The following SDK1 variants were observed in gnomAD, a reference collection of about 807,000 sequenced individuals.
The protein encoded by SDK1 is protein sidekick-1.
Under a neutral mutation model 245.5 loss-of-function variants are expected in SDK1, and 157 were observed. That is an observed-to-expected ratio of 0.64 (90% CI 0.56 to 0.73). The LOEUF (loss-of-function observed/expected upper bound fraction) is 0.73. SDK1 is among the 30% of genes least tolerant of loss of function. The probability of loss-of-function intolerance (pLI) is 0.00; values close to 1 mark genes in which losing one functional copy is unlikely to be tolerated. For synonymous variants in SDK1, 1,647 were observed against 1,278.5 expected (o/e 1.29, Z -6.15); for missense variants, 3,583 against 3,002.3 (o/e 1.19, Z -4.52).
At chr7:3,958,561 A>G (rs1781437575) in intron 7 of SDK1, among the ~76,000 whole-genome samples, 1 of 152,254 alleles carries the variant, frequency 6.6e-6, no homozygotes, top group Non-Finnish European at 1.5e-5. Context: ...GGCACTTGAC[A>G]AGCTTCACGA....
At chr7:4,163,752 C>T (rs1467542243) in intron 32 of SDK1, among the ~76,000 whole-genome samples, 3 of 152,110 alleles carry the variant, frequency 2.0e-5, no homozygotes, top group Non-Finnish European at 2.9e-5. Context: ...GAGAGGAACC[C>T]GGTGAGCAGA....
chr7:3,783,590 G>T (rs566417168), intron 4 of SDK1, among the ~76,000 whole-genome samples: 1 of 152,106 alleles, frequency 6.6e-6, no homozygotes, highest in East Asian at 1.9e-4. Flanking sequence ...TATCTAAAAG[G>T]TTATCAAGGG....
At chr7:3,471,483 G>A (rs10232431) in intron 1 of SDK1, among the ~76,000 whole-genome samples, 57,740 of 151,966 alleles carry the variant, frequency 0.38, 12,295 homozygotes, top group East Asian at 0.5. Flanking sequence ...CAAACTACAG[G>A]TACTTAAAAC....
At chr7:3,340,997 C>T (rs1780334954) in intron 1 of SDK1, among the ~76,000 whole-genome samples, 1 of 152,052 alleles carries the variant, frequency 6.6e-6, no homozygotes, top group Non-Finnish European at 1.5e-5. Context: ...ACCTAGAAAA[C>T]AGGAGAGAAG....
intron 1 of SDK1, among the ~76,000 whole-genome samples, chr7:3,439,617 T>C (rs1409121838): frequency 2.0e-5 from 3 of 152,372 alleles, no homozygotes; most frequent in East Asian, 3.9e-4. Context: ...GTTAATACTT[T>C]CTAATGGGAT....
intron 5 of SDK1, among the ~76,000 whole-genome samples, 163 bp downstream of exon 5, chr7:3,821,746 T>C (rs1019381505): frequency 2.0e-5 from 3 of 152,178 alleles, no homozygotes; most frequent in African/African-American, 7.2e-5. Flanking sequence ...GCTTTAGGGC[T>C]CTTGCTTTCT....
chr7:4,045,607 AC>A (rs1788964321), intron 17 of SDK1, among the ~76,000 whole-genome samples: 2 of 152,148 alleles, frequency 1.3e-5, no homozygotes, highest in South Asian at 4.1e-4. Context: ...GGGCAGGATT[AC>A]CGGGTCACGT....
chr7:4,221,132 ACT>A (rs1458906208), intron 39 of SDK1, 105 bp from the exon 40 acceptor site: 1 of 1,362,468 alleles, frequency 7.3e-7, no homozygotes, highest in Non-Finnish European at 1.0e-6. Flanking sequence ...CTGCCCAGAC[ACT>A]CTGCAGCCTC....
chr7:3,344,080 C>G (rs1294722806), intron 1 of SDK1, among the ~76,000 whole-genome samples: 1 of 144,154 alleles, frequency 6.9e-6, no homozygotes, highest in Non-Finnish European at 1.5e-5. Flanking sequence ...TTAGATCAAA[C>G]AAAGCAATAA....
chr7:4,106,729 C>G (rs778421363), intron 22 of SDK1, among the ~76,000 whole-genome samples: 1 of 152,148 alleles, frequency 6.6e-6, no homozygotes, highest in East Asian at 1.9e-4. Context: ...GCTCTCTCAA[C>G]GCGGCGCGTG....
intron 4 of SDK1, among the ~76,000 whole-genome samples, chr7:3,723,975 G>GAGAGAA (rs1554254559): frequency 8.3e-5 from 12 of 144,910 alleles, no homozygotes; most frequent in African/African-American, 3.2e-4. Context: ...GAGAGAGAGA[G>GAGAGAA]AGAAAGAGAG....
intron 1 of SDK1, among the ~76,000 whole-genome samples, chr7:3,474,805 C>G (rs1450950593): frequency 2.6e-5 from 4 of 152,182 alleles, no homozygotes; most frequent in African/African-American, 9.7e-5. Flanking sequence ...ATCTTCCTAC[C>G]ACAACCTCTT....
chr7:3,852,475 C>A (rs10271525), intron 5 of SDK1, among the ~76,000 whole-genome samples: 1 of 151,404 alleles, frequency 6.6e-6, no homozygotes, highest in African/African-American at 2.4e-5. Flanking sequence ...TGGCCGGGCA[C>A]GGTGGCTCAC....
chr7:4,145,960 A>G (rs608271), intron 29 of SDK1, 44 bp downstream of exon 29: 1,198,901 of 1,519,592 alleles, frequency 0.79, 474,402 homozygotes, highest in East Asian at 0.86. Context: ...TGTTGTGGGC[A>G]CAGCTTCCTC....
At position 3,619,230 on chromosome 7, in the gene SDK1, G is replaced by C. The variant is rs1781861599; in HGVS notation, c.449G>C (p.Ser150Thr). ...GACAGTGAGCTCACCACCTACAGCA[G>C]CGAATATAAGTAATTGATCGCTTGA... is the stretch of plus-strand genomic sequence containing the variant. Reference protein sequence around the residue: ...RDDSELTTYSSEYKYIIPSLQ... With the variant: ...RDDSELTTYSTEYKYIIPSLQ... Residue 150 changes from serine (S) to threonine (T), a missense_variant, in exon 2 of 45, where the codon AGC becomes ACC. Transcript: ENST00000404826. 6.2e-7 allele frequency: 1 copy of C among 1,605,990 alleles called. No homozygotes were observed. The highest frequency in any genetic ancestry group is 1.3e-5 in the African/African-American group (1 of 74,788).
intron 1 of SDK1, among the ~76,000 whole-genome samples, chr7:3,341,028 A>T (rs1780335793): frequency 6.6e-6 from 1 of 152,178 alleles, no homozygotes; most frequent in South Asian, 2.1e-4. Flanking sequence ...TCATTTTGTG[A>T]GTCTAGTATT....
chr7:3,669,957 C>T (rs1783645953), intron 4 of SDK1, among the ~76,000 whole-genome samples: 1 of 152,198 alleles, frequency 6.6e-6, no homozygotes, highest in Admixed American at 6.5e-5. Flanking sequence ...AAGCAAGAAC[C>T]AAGGAATTAT....
rs71029672 is a variant in SDK1 at position 3,435,321 on chromosome 7, C to CTTTTTTTTTTTTTTTTTTTTTTT, written c.298+133442_298+133464dup. On this transcript the variant is annotated intron_variant, in intron 1 of 44. Coordinates refer to ENST00000404826, the MANE Select transcript of SDK1 (RefSeq NM_152744.4). Reference sequence around the variant, plus strand: ...ATACTTGACTTATGAAGGGGACTGCCTTTTTTTTTTTTTTTTTTTTTTTTT... The same window carrying CTTTTTTTTTTTTTTTTTTTTTTT: ...ATACTTGACTTATGAAGGGGACTGCCTTTTTTTTTTTTTTTTTTTTTTTTTTTTTTTTTTTTTTTTTTTTTTTT... Among the ~76,000 whole-genome samples, 9 of 56,896 alleles carry CTTTTTTTTTTTTTTTTTTTTTTT rather than the reference C, an allele frequency of 1.6e-4. 1 individual carries two copies. Among genetic ancestry groups the CTTTTTTTTTTTTTTTTTTTTTTT allele is most frequent in the African/African-American group, 8.2e-4 (9 of 10,992 alleles). 37.3% of individuals were successfully genotyped at this position (56,896 alleles called of 152,430 possible).
At position 3,774,388 on chromosome 7, in the gene SDK1, G is replaced by T. The variant is rs10269303; in HGVS notation, c.714-47062G>T. 4.8e-3 allele frequency among the ~76,000 whole-genome samples: 730 copies of T among 152,304 alleles called. 6 individuals are homozygous for T. The highest frequency in any genetic ancestry group is 0.017 in the African/African-American group (705 of 41,552). On this transcript the variant is annotated intron_variant, in intron 4 of 44. Transcript: ENST00000404826. ...TCAGTGATAAGAACAGATGTCTTGT[G>T]TTTGGAGGACAGTGTCCTTTTTGCC...
Sources: gnomAD v4.1 joint callset for allele counts (sites outside exome capture counted in the v4.1 genomes callset) on GRCh38, gnomAD v4.1.1 for gene constraint, MANE v1.5 for transcripts, NCBI Gene and HGNC (gene_info 2026-07-23, HGNC 2026-07-21) for gene names.